The following PSEN1 variants were observed in gnomAD, a reference collection of about 807,000 sequenced individuals.
PSEN1 encodes the protein presenilin-1.
In PSEN1, 15 loss-of-function variants were observed where a neutral mutation model predicts 53.5. That is an observed-to-expected ratio of 0.28 (90% CI 0.19 to 0.43). The LOEUF is 0.43. Among genes scored for constraint, PSEN1 ranks in the 20% least tolerant of loss-of-function variants. The pLI is 1.00. For missense variants in PSEN1, 387 were observed against 571.2 expected (o/e 0.68, Z 3.29); for synonymous variants, 208 against 209.8 (o/e 0.99, Z 0.08).
intron 8 of PSEN1, among the ~76,000 whole-genome samples, chr14:73,205,312 T>TA (rs925785398): frequency 3.3e-5 from 5 of 150,842 alleles, no homozygotes; most frequent in African/African-American, 7.3e-5. Context: ...CCACCTCTAC[T>TA]AAAAAAAATA....
intron 5 of PSEN1, among the ~76,000 whole-genome samples, chr14:73,183,109 T>C (rs1898273937): frequency 6.6e-6 from 1 of 152,090 alleles, no homozygotes; most frequent in South Asian, 2.1e-4. Flanking sequence ...TGTACAGATG[T>C]TCTCAGCTTA....
At chr14:73,174,027 C>A in intron 5 of PSEN1, 1 of 521,194 alleles carries the variant, frequency 1.9e-6, no homozygotes, top group Admixed American at 3.4e-5. Context: ...ATTTTATATG[C>A]ATGGAATCTA....
chr14:73,165,781 G>C (rs1897694466), intron 3 of PSEN1, among the ~76,000 whole-genome samples: 1 of 151,126 alleles, frequency 6.6e-6, no homozygotes, highest in Admixed American at 6.6e-5. Flanking sequence ...TGTGTGGCCG[G>C]GCGCGGTGGC....
At chr14:73,151,895 T>TATATATATATATATATATA (rs1491464395) in intron 3 of PSEN1, among the ~76,000 whole-genome samples, 6 of 10,944 alleles carry the variant, frequency 5.5e-4, no homozygotes, top group African/African-American at 4.1e-3. Context: ...TATATATATA[T>TATATATATATATATATATA]TTTTTTTTTT....
intron 1 of PSEN1, among the ~76,000 whole-genome samples, chr14:73,138,898 CG>C (rs1251589612): frequency 1.3e-5 from 2 of 150,360 alleles, no homozygotes; most frequent in Non-Finnish European, 3.0e-5. Flanking sequence ...ACCCGGGAGG[CG>C]GAGCTTGCAG....
Position 73,222,771 on chromosome 14 carries a change from A to G in PSEN1, c.*3482A>G, listed in dbSNP as rs1900141829. 2 of 152,214 alleles carry G rather than the reference A, an allele frequency of 1.3e-5. No homozygotes were observed. Among genetic ancestry groups the G allele is most frequent in the South Asian group, 4.1e-4 (2 of 4,828 alleles). The allele number at this position is 152,214 out of a possible 1,614,324, so 9.4% of individuals were successfully genotyped here. ...TAACAGTTACCATTACTGAGGGCTT[A>G]TACATTGGTGTTATAAAAGTGACTT... is the stretch of plus-strand genomic sequence containing the variant. On this transcript the variant is annotated 3_prime_UTR_variant, in exon 12 of 12. Transcript: ENST00000324501.
At position 73,186,311 on chromosome 14, in the gene PSEN1, G is replaced by A. The variant is rs142625534; in HGVS notation, c.481-542G>A. On this transcript the variant is annotated intron_variant, in intron 5 of 11. Coordinates refer to ENST00000324501, the MANE Select transcript of PSEN1 (RefSeq NM_000021.4). ...GGAGAATTGCTTGAACCCTGGAGGC[G>A]GAGGTTGCGGTGAGCCGAGATTGCG... is the stretch of plus-strand genomic sequence containing the variant. Among the ~76,000 whole-genome samples, 965 of 152,132 alleles carry A rather than the reference G, an allele frequency of 6.3e-3. 11 individuals are homozygous for A. The highest frequency in any genetic ancestry group is 0.022 in the African/African-American group (909 of 41,504).
intron 1 of PSEN1, among the ~76,000 whole-genome samples, chr14:73,142,285 A>G (rs552224682): frequency 6.6e-6 from 1 of 152,330 alleles, no homozygotes; most frequent in Admixed American, 6.5e-5. Context: ...TTTGTAAAAT[A>G]AAGAATAAAT....
At chr14:73,144,993 A>T (rs1011337698) in intron 1 of PSEN1, among the ~76,000 whole-genome samples, 3 of 152,110 alleles carry the variant, frequency 2.0e-5, no homozygotes, top group African/African-American at 7.2e-5. Flanking sequence ...CCCAGGTTCA[A>T]GCGATTCTCC....
At chr14:73,180,221 G>A (rs1279947882) in intron 5 of PSEN1, among the ~76,000 whole-genome samples, 3 of 152,166 alleles carry the variant, frequency 2.0e-5, no homozygotes, top group Admixed American at 6.5e-5. Flanking sequence ...CTGACCTCAG[G>A]TGATCCACTG....
intron 4 of PSEN1, among the ~76,000 whole-genome samples, chr14:73,172,018 T>C (rs1897905901): frequency 1.3e-5 from 2 of 152,230 alleles, no homozygotes; most frequent in African/African-American, 2.4e-5. Flanking sequence ...TTTCCTTCTT[T>C]ATTGCAAGGC....
chr14:73,159,984 C>T (rs749390584), intron 3 of PSEN1: 39 of 204,484 alleles, frequency 1.9e-4, no homozygotes, highest in Non-Finnish European at 3.8e-4. Flanking sequence ...TATCATGCCT[C>T]GCTAATTTTT....
At chr14:73,144,244 G>T (rs1897007045) in intron 1 of PSEN1, among the ~76,000 whole-genome samples, 1 of 151,952 alleles carries the variant, frequency 6.6e-6, no homozygotes. Flanking sequence ...GTTTCACCAT[G>T]TTGGCCAGGC....
At chr14:73,179,505 TACTC>T (rs559021045) in intron 5 of PSEN1, among the ~76,000 whole-genome samples, 103 of 152,234 alleles carry the variant, frequency 6.8e-4, no homozygotes, top group African/African-American at 2.3e-3. Context: ...TAGTTCCAGT[TACTC>T]AGGAGGCTGA....
intron 5 of PSEN1, among the ~76,000 whole-genome samples, chr14:73,179,749 A>G (rs1038384015): frequency 2.0e-5 from 3 of 152,192 alleles, no homozygotes; most frequent in African/African-American, 7.2e-5. Flanking sequence ...TGTTGTAATG[A>G]GCACAGGTGG....
chr14:73,175,862 C>CA (rs1898035183), intron 5 of PSEN1, among the ~76,000 whole-genome samples: 1 of 152,158 alleles, frequency 6.6e-6, no homozygotes, highest in Non-Finnish European at 1.5e-5. Flanking sequence ...TCTTGGTATT[C>CA]AAAATCTCGT....
chr14:73,184,290 C>G (rs1595019076), intron 5 of PSEN1, among the ~76,000 whole-genome samples: 1 of 111,818 alleles, frequency 8.9e-6, no homozygotes, highest in Non-Finnish European at 1.9e-5. Context: ...GGCGGCTGGC[C>G]GGGCGGGGGG....
chr14:73,175,389 G>A (rs1898019268), intron 5 of PSEN1, among the ~76,000 whole-genome samples: 1 of 151,966 alleles, frequency 6.6e-6, no homozygotes, highest in Non-Finnish European at 1.5e-5. Context: ...GGCCTCGCAA[G>A]GGCTGGGATT....
At position 73,147,996 on chromosome 14, in the gene PSEN1, CA is replaced by C. The variant is rs745393397; in HGVS notation, c.-23del. ...TCAAGAGGCTTTGTTTTCTGTGAAA[CA>C]GTATTTCTATACAGTTGCTCCAATG... On this transcript the variant is annotated 5_prime_UTR_variant, in exon 3 of 12. Transcript: ENST00000324501. 1 of 1,580,764 alleles carries C rather than the reference CA, an allele frequency of 6.3e-7. No homozygotes were observed. Among genetic ancestry groups the C allele is most frequent in the Non-Finnish European group, 8.7e-7 (1 of 1,149,704 alleles).
Sources: gnomAD v4.1 joint callset for allele counts (sites outside exome capture counted in the v4.1 genomes callset) on GRCh38, gnomAD v4.1.1 for gene constraint, MANE v1.5 for transcripts, NCBI Gene and HGNC (gene_info 2026-07-23, HGNC 2026-07-21) for gene names.